The following RBFOX1 variants were observed in gnomAD, a reference collection of about 807,000 sequenced individuals.
The protein encoded by RBFOX1 is RNA binding protein fox-1 homolog 1.
RBFOX1 carries 8 observed loss-of-function variants against 57.7 expected under a neutral mutation model. That is an observed-to-expected ratio of 0.14 (90% CI 0.08 to 0.25). The LOEUF is 0.25. Ranked by LOEUF, RBFOX1 falls within the 10% of genes least tolerant of loss-of-function variation. RBFOX1 has a pLI of 1.00. For synonymous variants in RBFOX1, 326 were observed against 222.4 expected (o/e 1.47, Z -4.15); for missense variants, 611 against 548.5 (o/e 1.11, Z -1.14).
intron 4 of RBFOX1, among the ~76,000 whole-genome samples, chr16:7,359,169 C>A (rs1221224323): frequency 6.6e-6 from 1 of 152,128 alleles, no homozygotes; most frequent in South Asian, 2.1e-4. Flanking sequence ...GCTGTGTGAC[C>A]TTTGGCATGT....
chr16:6,897,083 G>T (rs2067122689), intron 3 of RBFOX1, among the ~76,000 whole-genome samples: 1 of 152,112 alleles, frequency 6.6e-6, no homozygotes, highest in African/African-American at 2.4e-5. Flanking sequence ...CCTGAGGAAG[G>T]GAGCAATGGA....
intron 3 of RBFOX1, among the ~76,000 whole-genome samples, chr16:6,888,582 C>T (rs755670681): frequency 7.2e-5 from 11 of 151,820 alleles, no homozygotes; most frequent in South Asian, 4.2e-4. Context: ...ATATTGTGTC[C>T]GTAGGGTTAG....
chr16:6,696,707 T>G (rs1344553197), intron 3 of RBFOX1, among the ~76,000 whole-genome samples: 1 of 151,970 alleles, frequency 6.6e-6, no homozygotes, highest in African/African-American at 2.4e-5. Context: ...TTTTTTTCCA[T>G]GTAACTTCCT....
chr16:5,379,510 A>G (rs1383918632), intron 1 of RBFOX1, among the ~76,000 whole-genome samples: 1 of 152,172 alleles, frequency 6.6e-6, no homozygotes, highest in Non-Finnish European at 1.5e-5. Flanking sequence ...AAACAAGCAC[A>G]TGCTCTAGAA....
At position 5,750,680 on chromosome 16, in the gene RBFOX1, A is replaced by G. The variant is rs367959646; in HGVS notation, c.319-116623A>G. On this transcript the variant is annotated intron_variant, in intron 3 of 19. Coordinates refer to the RBFOX1 transcript ENST00000641259. ...ACCCTCTGAGCCAGGCATGGGATGT[A>G]ACCTCCTGGTGTGCCGTTTGCTGAC... is the stretch of plus-strand genomic sequence containing the variant. Among the ~76,000 whole-genome samples, 7 of 152,186 alleles carry G rather than the reference A, an allele frequency of 4.6e-5. No individual in the cohort carries two copies. The East Asian group carries it at 1.2e-3, about 25-fold the overall frequency.
In RBFOX1 at chr16:6,821,411, A is replaced by G. The variant is rs757573327; in HGVS notation, c.-16+166761A>G. Reference sequence around the variant, plus strand: ...ATTTCATTGAGGTGTATTCCACATAACTGATATCAATTATTTTTAAGTGAA... The same window carrying G: ...ATTTCATTGAGGTGTATTCCACATAGCTGATATCAATTATTTTTAAGTGAA... On this transcript the variant is annotated intron_variant, in intron 3 of 15. Coordinates refer to ENST00000550418, the MANE Select transcript of RBFOX1 (RefSeq NM_018723.4). Among the ~76,000 whole-genome samples the G allele has an allele frequency of 3.3e-5, 5 of 152,342 alleles. 1 individual carries two copies. In the Middle Eastern group the frequency reaches 0.01, roughly 311 times the overall value.
At chr16:6,769,324 C>A (rs372304240) in intron 3 of RBFOX1, among the ~76,000 whole-genome samples, 67 of 152,302 alleles carry the variant, frequency 4.4e-4, no homozygotes, top group African/African-American at 1.5e-3. Flanking sequence ...CCATGTGGAA[C>A]TGTAAGTCTA....
intron 4 of RBFOX1, among the ~76,000 whole-genome samples, chr16:7,244,160 A>G (rs1454941816): frequency 6.6e-6 from 1 of 151,078 alleles, no homozygotes; most frequent in Non-Finnish European, 1.5e-5. Context: ...AACTCCAGAG[A>G]AAAAAAATCA....
chr16:6,343,301 G>A (rs1392853960), intron 2 of RBFOX1, among the ~76,000 whole-genome samples: 1 of 152,112 alleles, frequency 6.6e-6, no homozygotes, highest in Non-Finnish European at 1.5e-5. Context: ...TACCCTGGTG[G>A]TATTTCATTA....
In RBFOX1 at chr16:6,928,844, A is replaced by G. The variant is rs1018781063; in HGVS notation, c.-15-123213A>G. Reference sequence around the variant, plus strand: ...AGTAACACACACAAAAAAATCAGCCAGTTAAAACCACCACCACCACCATCA... The same window carrying G: ...AGTAACACACACAAAAAAATCAGCCGGTTAAAACCACCACCACCACCATCA... On this transcript the variant is annotated intron_variant, in intron 3 of 15. Coordinates refer to ENST00000550418, the MANE Select transcript of RBFOX1 (RefSeq NM_018723.4). Among the ~76,000 whole-genome samples the G allele has an allele frequency of 3.9e-5, 6 of 152,192 alleles. No individual in the cohort carries two copies. The South Asian group carries it at 1.0e-3, about 26-fold the overall frequency.
chr16:6,497,494 C>T (rs905419449), intron 2 of RBFOX1, among the ~76,000 whole-genome samples: 5 of 151,884 alleles, frequency 3.3e-5, no homozygotes, highest in Admixed American at 6.6e-5. Flanking sequence ...TTCAAAATGC[C>T]GCAATGGAGC....
At chr16:6,577,766 C>T (rs2097462834) in intron 2 of RBFOX1, among the ~76,000 whole-genome samples, 1 of 152,198 alleles carries the variant, frequency 6.6e-6, no homozygotes, top group Non-Finnish European at 1.5e-5. Flanking sequence ...TCCCATTGGC[C>T]AGAACCAGTC....
At chr16:5,549,772 A>T (rs1543940) in intron 2 of RBFOX1, among the ~76,000 whole-genome samples, 47,688 of 152,054 alleles carry the variant, frequency 0.31, 8,499 homozygotes, top group East Asian at 0.73. Flanking sequence ...ACCCTGGAAA[A>T]GACCTGAAGT....
At chr16:5,990,060 A>G (rs959106107) in intron 4 of RBFOX1, among the ~76,000 whole-genome samples, 1 of 152,050 alleles carries the variant, frequency 6.6e-6, no homozygotes, top group Non-Finnish European at 1.5e-5. Context: ...ATCATGGTTC[A>G]CTGCAGCCTC....
At chr16:6,930,563 C>T (rs989758518) in intron 3 of RBFOX1, among the ~76,000 whole-genome samples, 2 of 152,050 alleles carry the variant, frequency 1.3e-5, no homozygotes, top group South Asian at 4.1e-4. Context: ...GTACCCCCCA[C>T]CATGCCTGGC....
chr16:6,570,335 G>C (rs1004933897), intron 2 of RBFOX1, among the ~76,000 whole-genome samples: 5 of 152,120 alleles, frequency 3.3e-5, no homozygotes, highest in African/African-American at 1.2e-4. Flanking sequence ...ATAAGCAAAG[G>C]ATTGTGTTCC....
At chr16:7,137,098 G>C (rs933238659) in intron 4 of RBFOX1, among the ~76,000 whole-genome samples, 1 of 152,200 alleles carries the variant, frequency 6.6e-6, no homozygotes, top group Non-Finnish European at 1.5e-5. Flanking sequence ...CTGAGGCCCA[G>C]AGAAGTTAGA....
At chr16:6,406,032 C>T (rs889199771) in intron 2 of RBFOX1, among the ~76,000 whole-genome samples, 2 of 152,184 alleles carry the variant, frequency 1.3e-5, no homozygotes, top group Non-Finnish European at 2.9e-5. Context: ...GAACTTGTCT[C>T]CTCTCATTAA....
intron 4 of RBFOX1, among the ~76,000 whole-genome samples, chr16:7,327,533 A>G (rs2096626900): frequency 6.6e-6 from 1 of 152,216 alleles, no homozygotes; most frequent in South Asian, 2.1e-4. Flanking sequence ...AAATGTGATG[A>G]TAGGATCAGG....
Sources: gnomAD v4.1 joint callset for allele counts (sites outside exome capture counted in the v4.1 genomes callset) on GRCh38, gnomAD v4.1.1 for gene constraint, MANE v1.5 for transcripts, NCBI Gene and HGNC (gene_info 2026-07-23, HGNC 2026-07-21) for gene names.